The following ITGA8 variants were observed in gnomAD, a reference collection of about 807,000 sequenced individuals.
ITGA8 encodes integrin subunit alpha 8.
Under a neutral mutation model 142.3 loss-of-function variants are expected in ITGA8, and 91 were observed. That is an observed-to-expected ratio of 0.64 (90% CI 0.54 to 0.76). The LOEUF is 0.76. Ranked by LOEUF, ITGA8 falls within the 30% of genes least tolerant of loss-of-function variation. ITGA8 has a pLI of 0.00. For missense variants in ITGA8, 1,406 were observed against 1,327.7 expected, an observed-to-expected ratio of 1.06 and a Z score of -0.92; for synonymous variants, 505 against 485.2, an observed-to-expected ratio of 1.04 and a Z score of -0.54.
chr10:15,608,151 T>C lies in ITGA8; in HGVS notation c.1609+84A>G, dbSNP rs552342979. On this transcript the variant is annotated intron_variant, in intron 16 of 29. Coordinates refer to ENST00000378076, the MANE Select transcript of ITGA8 (RefSeq NM_003638.3). ...TTGGTATTCCTCAAGGGTTCTTTCA[T>C]TTTTTTATGGTCTGTGCAGAGAAAT... The C allele has an allele frequency of 8.8e-5, 87 of 987,178 alleles. No individual in the cohort carries two copies. In the South Asian group the frequency reaches 1.2e-3, roughly 14 times the overall value. The allele number at this position is 987,178 out of a possible 1,614,324, so 61.2% of individuals were successfully genotyped here.
At chr10:15,621,168 G>C (rs1285276134) in intron 13 of ITGA8, among the ~76,000 whole-genome samples, 1 of 135,750 alleles carries the variant, frequency 7.4e-6, no homozygotes, top group Non-Finnish European at 1.6e-5. Context: ...ACTTAAGCTG[G>C]CTTTTTTTTT....
intron 20 of ITGA8, among the ~76,000 whole-genome samples, chr10:15,599,898 G>T (rs1461941986): frequency 6.6e-6 from 1 of 152,104 alleles, no homozygotes; most frequent in African/African-American, 2.4e-5. Flanking sequence ...TCTGGCCTGG[G>T]TGACAGAGTG....
intron 13 of ITGA8, among the ~76,000 whole-genome samples, chr10:15,641,533 G>A (rs1262227161): frequency 6.6e-6 from 1 of 152,074 alleles, no homozygotes; most frequent in African/African-American, 2.4e-5. Context: ...GAGGATCAGG[G>A]AAAAATGTTA....
chr10:15,570,499 A>G (rs1333341850), intron 25 of ITGA8, among the ~76,000 whole-genome samples: 1 of 151,432 alleles, frequency 6.6e-6, no homozygotes, highest in African/African-American at 2.4e-5. Flanking sequence ...AATCCCAGCT[A>G]CTTGGGAGGC....
At chr10:15,566,807 G>A (rs543877792) in intron 25 of ITGA8, among the ~76,000 whole-genome samples, 37 of 100,662 alleles carry the variant, frequency 3.7e-4, no homozygotes, top group South Asian at 1.7e-3. Context: ...GTGAGACCTT[G>A]TCTTAAAAAA....
At chr10:15,623,007 A>T (rs1365311685) in intron 13 of ITGA8, among the ~76,000 whole-genome samples, 3 of 152,190 alleles carry the variant, frequency 2.0e-5, no homozygotes, top group Non-Finnish European at 2.9e-5. Context: ...GAGGGAGTAT[A>T]AATTAGCATT....
intron 28 of ITGA8, 36 bp from the exon 29 acceptor site, chr10:15,519,448 G>A (rs764989593): frequency 2.8e-5 from 45 of 1,609,320 alleles, no homozygotes; most frequent in Middle Eastern, 1.7e-4. Flanking sequence ...GCTCTAATGC[G>A]AAAACTATTT....
chr10:15,546,047 C>T lies in ITGA8; in HGVS notation c.2880+2408G>A, dbSNP rs1432829706. 3.3e-5 allele frequency among the ~76,000 whole-genome samples: 5 copies of T among 152,280 alleles called. No homozygotes were observed. The East Asian group carries it at 9.7e-4, about 29-fold the overall frequency. On this transcript the variant is annotated intron_variant, in intron 27 of 29. Transcript: ENST00000378076. Reference sequence around the variant, plus strand: ...TTCTGGCCTCAGGGCCTTTGCACAGCTCGTTGTATTCTGTCTGGGGCTCTG... The same window carrying T: ...TTCTGGCCTCAGGGCCTTTGCACAGTTCGTTGTATTCTGTCTGGGGCTCTG...
intron 13 of ITGA8, among the ~76,000 whole-genome samples, chr10:15,619,559 G>C (rs1220718242): frequency 6.6e-6 from 1 of 152,176 alleles, no homozygotes; most frequent in South Asian, 2.1e-4. Context: ...TCTTTTGTAA[G>C]GGTTTAAATC....
At chr10:15,602,515 A>G (rs1041378293) in intron 20 of ITGA8, among the ~76,000 whole-genome samples, 2 of 152,148 alleles carry the variant, frequency 1.3e-5, no homozygotes, top group Non-Finnish European at 1.5e-5. Context: ...AGGTGGGTGG[A>G]CCGCCTGACC....
chr10:15,516,949 T>G lies in ITGA8; in HGVS notation c.*209A>C, dbSNP rs778827912. On this transcript the variant is annotated 3_prime_UTR_variant, in exon 30 of 30. Coordinates refer to ENST00000378076, the MANE Select transcript of ITGA8 (RefSeq NM_003638.3). ...CACAATTGCTGATGGCTTCTCCAGC[T>G]TTGGTGTTTCCTTTTCCAACAGGGC... is the stretch of plus-strand genomic sequence containing the variant. 4.5e-6 allele frequency: 2 copies of G among 448,852 alleles called. No individual in the cohort carries two copies. The highest frequency in any genetic ancestry group is 8.0e-6 in the Non-Finnish European group (2 of 251,278). 27.8% of individuals were successfully genotyped at this position (448,852 alleles called of 1,614,324 possible). A position where few individuals can be genotyped will look rare whatever the true frequency, so the allele number is the denominator to read the frequency against.
chr10:15,686,799 C>A (rs1834839521), intron 3 of ITGA8, among the ~76,000 whole-genome samples: 1 of 152,102 alleles, frequency 6.6e-6, no homozygotes, highest in South Asian at 2.1e-4. Context: ...AAAAATTAAT[C>A]ATTTTTTATT....
chr10:15,645,549 T>C (rs988362977), intron 12 of ITGA8, among the ~76,000 whole-genome samples: 1 of 152,208 alleles, frequency 6.6e-6, no homozygotes, highest in Non-Finnish European at 1.5e-5. Flanking sequence ...TTTTTACATG[T>C]ACTTTGTTTT....
At chr10:15,671,178 A>G (rs889229929) in intron 8 of ITGA8, among the ~76,000 whole-genome samples, 14 of 152,188 alleles carry the variant, frequency 9.2e-5, no homozygotes, top group Non-Finnish European at 7.3e-5. Context: ...GGGTTTTGGT[A>G]TGTTAAAAGA....
At chr10:15,635,921 A>ACACACG (rs1231981159) in intron 13 of ITGA8, among the ~76,000 whole-genome samples, 337 of 115,278 alleles carry the variant, frequency 2.9e-3, no homozygotes, top group African/African-American at 9.8e-3. Flanking sequence ...CTTATACTAC[A>ACACACG]CACACACACA....
At chr10:15,553,182 G>T (rs573168141) in intron 26 of ITGA8, among the ~76,000 whole-genome samples, 1 of 152,046 alleles carries the variant, frequency 6.6e-6, no homozygotes, top group Non-Finnish European at 1.5e-5. Context: ...ACTTGAATCC[G>T]GGAGGCCGAG....
chr10:15,719,061 C>CCTAT (rs9333073), intron 1 of ITGA8, among the ~76,000 whole-genome samples, 162 bp from the exon 2 acceptor site: 2,743 of 152,202 alleles, frequency 0.018, 67 homozygotes, highest in African/African-American at 0.063. Flanking sequence ...CTCTTGGAAA[C>CCTAT]GGGGGTCCGC....
At chr10:15,659,374 C>T (rs9333126) in intron 9 of ITGA8, among the ~76,000 whole-genome samples, 14,852 of 152,170 alleles carry the variant, frequency 0.098, 920 homozygotes, top group East Asian at 0.29. Flanking sequence ...GATTTTTGTC[C>T]AAATCCATTT....
rs528550747 is a variant in ITGA8, at chr10:15,669,372, G to C, written c.847+2231C>G. ...CGTGCCTTGGTTTTCAGCTCCATCAGGTCCTTTAAGGACTTTTCTTCATTG... is the reference window on the plus strand; with the variant it reads ...CGTGCCTTGGTTTTCAGCTCCATCACGTCCTTTAAGGACTTTTCTTCATTG... On this transcript the variant is annotated intron_variant, in intron 8 of 29. Transcript: ENST00000378076. Among the ~76,000 whole-genome samples the C allele has an allele frequency of 1.1e-4, 16 of 152,268 alleles. No homozygotes were observed. The South Asian group carries it at 3.1e-3, about 30-fold the overall frequency.
Sources: gnomAD v4.1 joint callset for allele counts (sites outside exome capture counted in the v4.1 genomes callset) on GRCh38, gnomAD v4.1.1 for gene constraint, MANE v1.5 for transcripts, NCBI Gene and HGNC (gene_info 2026-07-23, HGNC 2026-07-21) for gene names.